The following ANGPTL6 variants were observed in gnomAD, a reference collection of about 807,000 sequenced individuals.
The protein encoded by ANGPTL6 is angiopoietin-related protein 6.
Under a neutral mutation model 47.4 loss-of-function variants are expected in ANGPTL6, and 45 were observed. The ratio of observed to expected loss-of-function variants is 0.95; its 90% CI spans 0.75 to 1.22. The LOEUF (loss-of-function observed/expected upper bound fraction) is 1.22. ANGPTL6 is among the 50% of genes most tolerant of loss of function. ANGPTL6 has a pLI of 0.00. For synonymous variants in ANGPTL6, 290 were observed against 295.9 expected (o/e 0.98, Z 0.20); for missense variants, 698 against 669.4 (o/e 1.04, Z -0.47).
At chr19:10,097,688 C>A (rs1277474492) in intron 1 of ANGPTL6, among the ~76,000 whole-genome samples, 1 of 151,768 alleles carries the variant, frequency 6.6e-6, no homozygotes, top group African/African-American at 2.4e-5. Context: ...CCCATCTCTA[C>A]TAAAAATACA....
chr19:10,102,531 T>C, intron 1 of ANGPTL6, 37 bp downstream of exon 1: 1 of 977,462 alleles, frequency 1.0e-6, no homozygotes, highest in South Asian at 4.7e-5. Flanking sequence ...TTCCCCACAG[T>C]GAGAATCAAC....
chr19:10,102,827 C>T, upstream of ANGPTL6: 1 of 948,456 alleles, frequency 1.1e-6, no homozygotes, highest in Non-Finnish European at 1.3e-6. Context: ...ACCCCCCTGC[C>T]CAGGCCACCA....
intron 2 of ANGPTL6, among the ~76,000 whole-genome samples, 189 bp from the exon 3 acceptor site, chr19:10,095,127 G>C (rs372656859): frequency 6.6e-6 from 1 of 152,104 alleles, no homozygotes; most frequent in African/African-American, 2.4e-5. Flanking sequence ...GTGCAGACAG[G>C]CTGGGCGCTA....
chr19:10,099,810 T>A (rs10410922), intron 1 of ANGPTL6, among the ~76,000 whole-genome samples: 3 of 148,098 alleles, frequency 2.0e-5, no homozygotes, highest in African/African-American at 7.5e-5. Flanking sequence ...ATACAAGCTC[T>A]CTCTCTCTCT....
chr19:10,104,303 T>TTG (rs1668309166), upstream of ANGPTL6, among the ~76,000 whole-genome samples: 1 of 86,534 alleles, frequency 1.2e-5, no homozygotes, highest in South Asian at 4.2e-4. Context: ...TTTTTTTGTT[T>TTG]TGTTTGTGTG....
intron 2 of ANGPTL6, among the ~76,000 whole-genome samples, chr19:10,095,705 T>C (rs904849150): frequency 6.6e-6 from 1 of 152,170 alleles, no homozygotes. Flanking sequence ...TGCATGTGTG[T>C]ATAGAATATA....
At chr19:10,093,248 T>A in intron 5 of ANGPTL6, 101 bp downstream of exon 5, 2 of 1,438,854 alleles carry the variant, frequency 1.4e-6, no homozygotes, top group Non-Finnish European at 1.9e-6. Flanking sequence ...TCCTTATACT[T>A]ACCAGAGGGG....
upstream of ANGPTL6, among the ~76,000 whole-genome samples, chr19:10,105,987 C>T (rs1223938363): frequency 1.3e-5 from 2 of 152,222 alleles, no homozygotes; most frequent in East Asian, 3.9e-4. Context: ...GTGGCTTCTC[C>T]CCAAGTACTT....
In ANGPTL6 at chr19:10,096,010, C is replaced by A. The variant is rs1397481209; in HGVS notation, c.554G>T (p.Cys185Phe). The A allele has an allele frequency of 1.1e-5, 15 of 1,359,166 alleles. No individual in the cohort carries two copies. The highest frequency in any genetic ancestry group is 1.2e-5 in the Non-Finnish European group (13 of 1,050,690). The allele number at this position is 1,359,166 out of a possible 1,614,324, so 84.2% of individuals were successfully genotyped here. A position where few individuals can be genotyped will look rare whatever the true frequency, so the allele number is the denominator to read the frequency against. Residue 185 changes from cysteine to phenylalanine, a missense_variant, in exon 2 of 6, where the codon TGC (cysteine) becomes TTC (phenylalanine). Transcript: ENST00000253109. ...CTGCTGCCCGCCCGCGCCTCCCGGG[C>A]ACAGGCGCTCCAGGCGGGCGATGAG... The part of the protein sequence containing the change: ...SSLIARLERL[C>F]PGGAGGQQQV...
chr19:10,097,190 G>C (rs1166974403), intron 1 of ANGPTL6, among the ~76,000 whole-genome samples: 1 of 152,180 alleles, frequency 6.6e-6, no homozygotes, highest in Non-Finnish European at 1.5e-5. Context: ...CTGATCACTT[G>C]AGCCTAGGAG....
At position 10,092,495 on chromosome 19, in the gene ANGPTL6, A is replaced by G. The variant is rs15723; in HGVS notation, c.*94T>C. The G allele has an allele frequency of 0.087, 133,108 of 1,523,504 alleles. 6,462 individuals are homozygous for G. Among genetic ancestry groups the G allele is most frequent in the Non-Finnish European group, 0.1 (112,734 of 1,128,486 alleles). The allele number at this position is 1,523,504 out of a possible 1,614,324, so 94.4% of individuals were successfully genotyped here. On this transcript the variant is annotated 3_prime_UTR_variant, in exon 6 of 6. Coordinates refer to ENST00000253109, the MANE Select transcript of ANGPTL6 (RefSeq NM_031917.3). ...CACAGTGGGAAGTTCTGTGGGACAC[A>G]TTGGCACTGAGCCACAAAGAAGGTG...
At chr19:10,096,832 G>T (rs1163309082) in intron 1 of ANGPTL6, among the ~76,000 whole-genome samples, 2 of 152,102 alleles carry the variant, frequency 1.3e-5, no homozygotes, top group South Asian at 2.1e-4. Flanking sequence ...CGTAGCTCAC[G>T]CCTGCAAGCT....
At chr19:10,096,931 C>CAA (rs59730305) in intron 1 of ANGPTL6, among the ~76,000 whole-genome samples, 3 of 118,738 alleles carry the variant, frequency 2.5e-5, no homozygotes, top group East Asian at 2.5e-4. Flanking sequence ...CCTGTCTCTA[C>CAA]AAAAAAAAAA....
chr19:10,104,317 GGTGTGT>G (rs1555757453), upstream of ANGPTL6, among the ~76,000 whole-genome samples: 328 of 118,036 alleles, frequency 2.8e-3, 2 homozygotes, highest in African/African-American at 0.011. Context: ...TTGTGTGTGT[GGTGTGT>G]GTGTGTGTGT....
At position 10,093,594 on chromosome 19, in the gene ANGPTL6, T is replaced by C; in HGVS notation, c.977A>G (p.Glu326Gly). The part of the protein sequence containing the change: ...YKAGFGRPDG[E>G]YWLGLEPVYQ... Reference sequence around the variant, plus strand: ...CACGGGTTCAAGGCCCAGCCAGTATTCTCCGTCTGGCCGCCCAAAGCCCGC... The same window carrying C: ...CACGGGTTCAAGGCCCAGCCAGTATCCTCCGTCTGGCCGCCCAAAGCCCGC... Residue 326 changes from glutamate to glycine, a missense_variant, in exon 5 of 6, where the codon GAA (glutamate) becomes GGA (glycine). By Grantham distance (98) the Glu-to-Gly change is moderately conservative. Transcript: ENST00000253109. 2 of 1,613,744 alleles carry C rather than the reference T, an allele frequency of 1.2e-6. No individual in the cohort carries two copies. Among genetic ancestry groups the C allele is most frequent in the South Asian group, 1.1e-5 (1 of 91,074 alleles).
At chr19:10,103,601 A>G (rs929790307), upstream of ANGPTL6, among the ~76,000 whole-genome samples, 3 of 33,204 alleles carry the variant, frequency 9.0e-5, no homozygotes, top group Admixed American at 7.0e-4. Flanking sequence ...TCTCAAAAAT[A>G]AATAAATAAA....
Position 10,095,966 on chromosome 19 carries a change from G to A in ANGPTL6, c.582+16C>T, listed in dbSNP as rs2088517905. The A allele has an allele frequency of 2.3e-6, 3 of 1,293,836 alleles. No individual in the cohort carries two copies. Among genetic ancestry groups the A allele is most frequent in the South Asian group, 2.6e-5 (1 of 37,964 alleles). The allele number at this position is 1,293,836 out of a possible 1,614,324, so 80.1% of individuals were successfully genotyped here. A position where few individuals can be genotyped will look rare whatever the true frequency, so the allele number is the denominator to read the frequency against. On this transcript the variant is annotated intron_variant, in intron 2 of 5. Coordinates refer to ENST00000253109, the MANE Select transcript of ANGPTL6 (RefSeq NM_031917.3). ...TTCACAGACGATGCTGCTCTCCGGGGAGGCTGCGAGGTTACCTGCTGCTGC... is the reference window on the plus strand; with the variant it reads ...TTCACAGACGATGCTGCTCTCCGGGAAGGCTGCGAGGTTACCTGCTGCTGC...
At chr19:10,106,080 T>G, upstream of ANGPTL6, 1 of 506,132 alleles carries the variant, frequency 2.0e-6, no homozygotes. Flanking sequence ...TACTTTGGGA[T>G]ATTTTAGGAG....
Position 10,096,221 on chromosome 19 carries a change from G to A in ANGPTL6, c.343C>T (p.Gln115Ter), listed in dbSNP as rs2088530850. 8.4e-7 allele frequency: 1 copy of A among 1,196,990 alleles called. No homozygotes were observed. The highest frequency in any genetic ancestry group is 3.5e-5 in the East Asian group (1 of 28,238). The allele number at this position is 1,196,990 out of a possible 1,614,324, so 74.1% of individuals were successfully genotyped here. A position where few individuals can be genotyped will look rare whatever the true frequency, so the allele number is the denominator to read the frequency against. ...CCCGCCCCGGGCCCCGCCTCGTGCT[G>A]CAGCTGCGCGCGCAACTGGCCCAGG... is the stretch of plus-strand genomic sequence containing the variant. ...ARLGQLRAQLQHEAGPGAGPG... is the reference protein window; with the variant it reads ...ARLGQLRAQL The change falls in exon 2 of 6, where the codon CAG becomes TAG. Residue 115 changes from glutamine to a stop codon, truncating the protein, a stop_gained. Transcript: ENST00000253109. LOFTEE classifies it high-confidence loss of function.
Sources: allele counts gnomAD v4.1 joint callset (sites outside exome capture counted in the v4.1 genomes callset), GRCh38; gene constraint gnomAD v4.1.1; transcripts MANE v1.5; gene names NCBI Gene and HGNC (gene_info 2026-07-23, HGNC 2026-07-21).